The following STAT5B variants were observed in gnomAD, a reference collection of about 807,000 sequenced individuals.
The protein encoded by STAT5B is signal transducer and activator of transcription 5B, also known as transcription factor STAT5B.
Under a neutral mutation model 107.8 loss-of-function variants are expected in STAT5B, and 21 were observed. That is an observed-to-expected ratio of 0.19 (90% CI 0.14 to 0.28). The LOEUF (loss-of-function observed/expected upper bound fraction) is 0.28. STAT5B is among the 10% of genes least tolerant of loss of function. The pLI is 1.00. For synonymous variants in STAT5B, 325 were observed against 401.7 expected, an observed-to-expected ratio of 0.81 and a Z score of 2.28; for missense variants, 565 against 1,008.2, an observed-to-expected ratio of 0.56 and a Z score of 5.95.
chr17:42,266,497 G>A (rs2080672933), intron 1 of STAT5B, among the ~76,000 whole-genome samples: 1 of 151,226 alleles, frequency 6.6e-6, no homozygotes, highest in Non-Finnish European at 1.5e-5. Context: ...CCCACTCCTG[G>A]CACACTTCAC....
chr17:42,254,885 G>A (rs545165974), intron 1 of STAT5B, among the ~76,000 whole-genome samples: 15 of 152,306 alleles, frequency 9.8e-5, no homozygotes, highest in Admixed American at 2.0e-4. Context: ...GAGGTCAGGA[G>A]ATTGAGACCA....
At chr17:42,212,414 C>A (rs1313505439) in intron 12 of STAT5B, among the ~76,000 whole-genome samples, 1 of 152,232 alleles carries the variant, frequency 6.6e-6, no homozygotes, top group African/African-American at 2.4e-5. Flanking sequence ...GCTATCCATG[C>A]TGTTTTGTAA....
rs781345676 is a variant in STAT5B at position 42,256,861 on chromosome 17, CAAAAAAAAAAA to C, written c.-11+19376_-11+19386del. ...TGGGTGACAGAGCGAGACTCTGTCT[CAAAAAAAAAAA>C]AAAAAAAAAAAAAAAAGACTACATA... On this transcript the variant is annotated intron_variant, in intron 1 of 18. Transcript: ENST00000293328. 1.6e-3 allele frequency among the ~76,000 whole-genome samples: 72 copies of C among 44,812 alleles called. 1 individual carries two copies. The East Asian group carries it at 0.029, about 18-fold the overall frequency. 29.4% of individuals were successfully genotyped at this position (44,812 alleles called of 152,430 possible).
In STAT5B at chr17:42,236,853, T is replaced by C. The variant is rs528861955; in HGVS notation, c.-10-4716A>G. On this transcript the variant is annotated intron_variant, in intron 1 of 18. Transcript: ENST00000293328. ...CCGGCATTCATCCTTCTAACTGGCA[T>C]TCATCTAGCCATCGAACGCTACTCT... is the stretch of plus-strand genomic sequence containing the variant. 2.6e-5 allele frequency among the ~76,000 whole-genome samples: 4 copies of C among 152,316 alleles called. No homozygotes were observed. In the East Asian group the frequency reaches 5.8e-4, roughly 22 times the overall value.
intron 1 of STAT5B, among the ~76,000 whole-genome samples, chr17:42,235,671 T>C (rs1375125363): frequency 1.3e-5 from 2 of 152,068 alleles, no homozygotes; most frequent in Non-Finnish European, 2.9e-5. Context: ...AGAGATGGGG[T>C]TTCACCATGT....
intron 1 of STAT5B, among the ~76,000 whole-genome samples, chr17:42,257,508 G>A (rs2080556765): frequency 6.6e-6 from 1 of 152,100 alleles, no homozygotes; most frequent in Non-Finnish European, 1.5e-5. Flanking sequence ...AAACAAATCG[G>A]GTCCAATCAA....
At chr17:42,227,835 C>T (rs1228031362) in intron 2 of STAT5B, 150 bp from the exon 3 acceptor site, 20 of 754,770 alleles carry the variant, frequency 2.6e-5, no homozygotes, top group Non-Finnish European at 4.1e-5. Flanking sequence ...GAAATGGACT[C>T]AATGCCTATG....
At chr17:42,257,913 A>T (rs1341537334) in intron 1 of STAT5B, among the ~76,000 whole-genome samples, 1 of 152,212 alleles carries the variant, frequency 6.6e-6, no homozygotes, top group African/African-American at 2.4e-5. Context: ...CTTTTATAGA[A>T]TCAATATAAT....
In STAT5B at chr17:42,202,750, C is replaced by CACTT; in HGVS notation, c.2129+3_2129+6dup. The CACTT allele has an allele frequency of 6.2e-7, 1 of 1,613,996 alleles. No individual in the cohort carries two copies. The highest frequency in any genetic ancestry group is 8.5e-7 in the Non-Finnish European group (1 of 1,180,030). ...AGAAGGAGAGCCACAGCCACCTGGA[C>CACTT]ACTTACTCAGGGACCACTTGCTTGA... is the stretch of plus-strand genomic sequence containing the variant. On this transcript the variant is annotated splice_region_variant and intron_variant, in intron 17 of 18. Coordinates refer to ENST00000293328, the MANE Select transcript of STAT5B (RefSeq NM_012448.4).
At chr17:42,203,050 C>G (rs1297816920) in intron 16 of STAT5B, 2 of 539,144 alleles carry the variant, frequency 3.7e-6, no homozygotes, top group African/African-American at 1.9e-5. Context: ...TCAAATGATT[C>G]CGATGCCTCA....
At chr17:42,203,992 T>C (rs1470756050) in intron 16 of STAT5B, among the ~76,000 whole-genome samples, 1 of 152,110 alleles carries the variant, frequency 6.6e-6, no homozygotes, top group East Asian at 1.9e-4. Flanking sequence ...GCCTAGGCAC[T>C]GGAGAGCCGC....
At chr17:42,256,634 C>T (rs1471278521) in intron 1 of STAT5B, among the ~76,000 whole-genome samples, 1 of 151,878 alleles carries the variant, frequency 6.6e-6, no homozygotes, top group African/African-American at 2.4e-5. Context: ...CTGAGGCGAG[C>T]AGGTCACGAG....
chr17:42,237,352 G>A (rs969658415), intron 1 of STAT5B, among the ~76,000 whole-genome samples: 1 of 152,150 alleles, frequency 6.6e-6, no homozygotes, highest in African/African-American at 2.4e-5. Flanking sequence ...AGTGGGATTT[G>A]GAATAATTTT....
At chr17:42,272,446 G>C (rs1242880920) in intron 1 of STAT5B, 1 of 152,162 alleles carries the variant, frequency 6.6e-6, no homozygotes, top group Non-Finnish European at 1.5e-5. Context: ...CCAAGTACCT[G>C]CGAGGAAACA....
intron 13 of STAT5B, among the ~76,000 whole-genome samples, chr17:42,211,228 T>C (rs1567656284): frequency 6.7e-6 from 1 of 148,890 alleles, no homozygotes; most frequent in African/African-American, 2.5e-5. Flanking sequence ...ATAAATAGGG[T>C]GGGCACAGTG....
At chr17:42,280,097 A>C (rs2080789515), upstream of STAT5B, among the ~76,000 whole-genome samples, 1 of 152,130 alleles carries the variant, frequency 6.6e-6, no homozygotes, top group Non-Finnish European at 1.5e-5. Flanking sequence ...ACCAGACTTA[A>C]GACATGACAG....
At chr17:42,215,783 T>C (rs1229625891) in intron 12 of STAT5B, among the ~76,000 whole-genome samples, 1 of 152,142 alleles carries the variant, frequency 6.6e-6, no homozygotes, top group Non-Finnish European at 1.5e-5. Context: ...CACACCCAGC[T>C]AATTTTTCGG....
rs111977253 is a variant in STAT5B, at chr17:42,267,687, G to A, written c.-11+8561C>T. Among the ~76,000 whole-genome samples, 831 of 152,242 alleles carry A rather than the reference G, an allele frequency of 5.5e-3. 9 individuals carry two copies. The highest frequency in any genetic ancestry group is 0.018 in the African/African-American group (759 of 41,554). On this transcript the variant is annotated intron_variant, in intron 1 of 18. Transcript: ENST00000293328. ...AAAAAGTAAACAGTTGGCCGGGCAC[G>A]GCGGCTCACACCTATAATCCGAGCA...
chr17:42,217,650 A>C, intron 9 of STAT5B, 186 bp from the exon 10 acceptor site: 1 of 668,816 alleles, frequency 1.5e-6, no homozygotes, highest in Non-Finnish European at 2.6e-6. Flanking sequence ...AAATGAAACA[A>C]GATCAAACTA....
Sources: allele counts gnomAD v4.1 joint callset (sites outside exome capture counted in the v4.1 genomes callset), GRCh38; gene constraint gnomAD v4.1.1; transcripts MANE v1.5; gene names NCBI Gene and HGNC (gene_info 2026-07-23, HGNC 2026-07-21).